VIT: variants seen among roughly 807,000 people sequenced by gnomAD.
VIT encodes the protein vitrin.
In VIT, 99 loss-of-function variants were observed where a neutral mutation model predicts 78.0. The ratio of observed to expected loss-of-function variants is 1.27; its 90% confidence interval spans 1.08 to 1.50. The LOEUF is 1.50. VIT is among the 40% of genes most tolerant of loss of function. The probability of loss-of-function intolerance (pLI) is 0.00; values close to 1 mark genes in which losing one functional copy is unlikely to be tolerated. For synonymous variants in VIT, 374 were observed against 334.3 expected, an observed-to-expected ratio of 1.12 and a Z score of -1.29; for missense variants, 1,126 against 875.3, an observed-to-expected ratio of 1.29 and a Z score of -3.61.
chr2:36,706,609 G>A (rs1665441759), intron 1 of VIT, among the ~76,000 whole-genome samples: 1 of 152,154 alleles, frequency 6.6e-6, no homozygotes, highest in Non-Finnish European at 1.5e-5. Context: ...CACAGCTTTT[G>A]AAGCTTTCAG....
At chr2:36,812,923 C>T (rs1430911910) in intron 15 of VIT, among the ~76,000 whole-genome samples, 1 of 146,346 alleles carries the variant, frequency 6.8e-6, no homozygotes, top group African/African-American at 2.5e-5. Flanking sequence ...TGCAGCGGTG[C>T]CATCTCGGCT....
At chr2:36,728,063 G>A (rs746871016) in intron 2 of VIT, among the ~76,000 whole-genome samples, 15 of 152,048 alleles carry the variant, frequency 9.9e-5, no homozygotes, top group Non-Finnish European at 1.9e-4. Context: ...CAAGTAGCTG[G>A]AATTACAGGC....
At chr2:36,765,699 G>A (rs1396806088) in intron 6 of VIT, among the ~76,000 whole-genome samples, 4 of 152,242 alleles carry the variant, frequency 2.6e-5, no homozygotes, top group Non-Finnish European at 5.9e-5. Flanking sequence ...AAGTGGCATG[G>A]CCACAAGCCA....
intron 14 of VIT, among the ~76,000 whole-genome samples, chr2:36,806,736 T>A (rs554559308): frequency 1.3e-5 from 2 of 152,216 alleles, no homozygotes; most frequent in Admixed American, 6.5e-5. Context: ...ATTTTATTTT[T>A]TTATTTTTAG....
At chr2:36,724,250 ACTGAGAAGCATTG>A (rs908300616) in intron 2 of VIT, among the ~76,000 whole-genome samples, 3 of 152,152 alleles carry the variant, frequency 2.0e-5, no homozygotes, top group East Asian at 1.9e-4. Context: ...ATTTTTAAGG[ACTGAGAAGCATTG>A]CTGAGAAGCA....
At chr2:36,760,239 C>T (rs765549559) in intron 6 of VIT, among the ~76,000 whole-genome samples, 5 of 152,070 alleles carry the variant, frequency 3.3e-5, no homozygotes, top group South Asian at 2.1e-4. Flanking sequence ...ATGATCCTCC[C>T]GCCTCGGCCT....
At chr2:36,776,551 A>G (rs1444490276) in intron 9 of VIT, among the ~76,000 whole-genome samples, 1 of 152,208 alleles carries the variant, frequency 6.6e-6, no homozygotes, top group Non-Finnish European at 1.5e-5. Flanking sequence ...CGGTAATCCC[A>G]GCACTTTGGG....
chr2:36,814,198 C>T lies in VIT; in HGVS notation c.1919C>T (p.Ala640Val), dbSNP rs141772569. The change falls in exon 16 of 16, where the codon GCG becomes GTG. Residue 640 changes from alanine to valine, a missense_variant. Physicochemically the swap from Ala to Val is moderately conservative, Grantham distance 64 (BLOSUM62 0). Coordinates refer to ENST00000379242, the MANE Select transcript of VIT (RefSeq NM_053276.4). ...AAHLKGVITYAIGVAWAAQEE... is the reference protein window; with the variant it reads ...AAHLKGVITYVIGVAWAAQEE... ...GTCCCCACAGGAGTGATCACCTATG[C>T]GATAGGCGTTGCCTGGGCTGCCCAA... 89 of 1,614,190 alleles carry T rather than the reference C, an allele frequency of 5.5e-5. No homozygotes were observed. The African/African-American group carries it at 1.1e-3, about 19-fold the overall frequency.
chr2:36,745,508 T>C (rs1205698794), intron 4 of VIT, among the ~76,000 whole-genome samples: 1 of 152,222 alleles, frequency 6.6e-6, no homozygotes, highest in African/African-American at 2.4e-5. Context: ...TTTACAATTC[T>C]CCTTGTGGAG....
chr2:36,812,986 C>T (rs142711879), intron 15 of VIT, among the ~76,000 whole-genome samples: 325 of 147,192 alleles, frequency 2.2e-3, no homozygotes, highest in Middle Eastern at 3.4e-3. Flanking sequence ...CTCAGCCTCC[C>T]GAGTAGCTGG....
intron 4 of VIT, among the ~76,000 whole-genome samples, chr2:36,752,269 G>C (rs958981236): frequency 6.6e-6 from 1 of 152,164 alleles, no homozygotes; most frequent in African/African-American, 2.4e-5. Context: ...TCCCTGAGAA[G>C]GTGCAATGAA....
chr2:36,801,489 G>T (rs1033919011), intron 13 of VIT, 85 bp downstream of exon 13: 3 of 1,210,596 alleles, frequency 2.5e-6, no homozygotes, highest in South Asian at 2.6e-5. Flanking sequence ...CTATATAAAA[G>T]GAAAAAATAA....
At chr2:36,742,156 G>A (rs1007739949) in intron 3 of VIT, among the ~76,000 whole-genome samples, 9 of 152,164 alleles carry the variant, frequency 5.9e-5, no homozygotes, top group African/African-American at 2.2e-4. Context: ...GTGTCCTCTA[G>A]GGGACCTTGG....
chr2:36,767,696 T>A (rs1345421384), intron 7 of VIT, among the ~76,000 whole-genome samples: 1 of 152,202 alleles, frequency 6.6e-6, no homozygotes, highest in African/African-American at 2.4e-5. Flanking sequence ...AATGTTTTTG[T>A]TCCTTTTCTG....
At chr2:36,777,333 A>G (rs1010700823) in intron 9 of VIT, among the ~76,000 whole-genome samples, 4 of 151,912 alleles carry the variant, frequency 2.6e-5, no homozygotes, top group Admixed American at 2.0e-4. Flanking sequence ...AAATACATGA[A>G]GCTAGACTTC....
intron 12 of VIT, among the ~76,000 whole-genome samples, chr2:36,794,393 G>C (rs1198303080): frequency 6.6e-6 from 1 of 152,140 alleles, no homozygotes; most frequent in African/African-American, 2.4e-5. Context: ...TTAAAAGATT[G>C]CTTGCATAAA....
At chr2:36,797,443 G>A (rs1280377157) in intron 12 of VIT, among the ~76,000 whole-genome samples, 1 of 152,184 alleles carries the variant, frequency 6.6e-6, no homozygotes, top group Non-Finnish European at 1.5e-5. Context: ...TTAGAGGTAG[G>A]TCTGACAGGA....
intron 1 of VIT, among the ~76,000 whole-genome samples, chr2:36,702,974 G>C (rs187750308): frequency 6.6e-6 from 1 of 152,274 alleles, no homozygotes; most frequent in African/African-American, 2.4e-5. Flanking sequence ...ACCTGACTCA[G>C]ACCAGAGCTA....
chr2:36,805,364 T>C, intron 13 of VIT, 74 bp from the exon 14 acceptor site: 1 of 1,457,888 alleles, frequency 6.9e-7, no homozygotes, highest in African/African-American at 1.4e-5. Context: ...TGGACCTCTT[T>C]GTGCTGCTGT....
Sources: gnomAD v4.1 joint callset for allele counts (sites outside exome capture counted in the v4.1 genomes callset) on GRCh38, gnomAD v4.1.1 for gene constraint, MANE v1.5 for transcripts, NCBI Gene and HGNC (gene_info 2026-07-23, HGNC 2026-07-21) for gene names.